Variants in RNF220 observed in about 807,000 individuals in gnomAD.
RNF220 encodes ring finger protein 220.
RNF220 carries 7 observed loss-of-function variants against 67.1 expected under a neutral mutation model. That is an observed-to-expected ratio of 0.10 (90% CI 0.06 to 0.20). The LOEUF is 0.20. Ranked by LOEUF, RNF220 falls within the 10% of genes least tolerant of loss-of-function variation. RNF220 has a pLI of 1.00. For synonymous variants in RNF220, 270 were observed against 283.2 expected, an observed-to-expected ratio of 0.95 and a Z score of 0.47; for missense variants, 565 against 740.3, an observed-to-expected ratio of 0.76 and a Z score of 2.75.
intron 5 of RNF220, chr1:44,632,051 C>T (rs1644151207): frequency 3.6e-6 from 4 of 1,100,882 alleles, no homozygotes; most frequent in South Asian, 4.4e-5. Flanking sequence ...CGCATCGCCG[C>T]CCTCGCCGGC....
intron 2 of RNF220, among the ~76,000 whole-genome samples, chr1:44,427,673 T>C (rs1419211678): frequency 6.6e-6 from 1 of 152,226 alleles, no homozygotes; most frequent in African/African-American, 2.4e-5. Context: ...GCTAAATCTG[T>C]GAGACGAGAC....
At chr1:44,468,127 C>T (rs1654445062) in intron 2 of RNF220, among the ~76,000 whole-genome samples, 2 of 98,774 alleles carry the variant, frequency 2.0e-5, no homozygotes, top group African/African-American at 3.6e-5. Flanking sequence ...AAAGTGAGCA[C>T]GTGCTGTTAA....
rs1643851035 is a variant in RNF220, at chr1:44,622,725, C to T, written c.759-17C>T. 6.2e-7 allele frequency: 1 copy of T among 1,612,934 alleles called. No homozygotes were observed. Among genetic ancestry groups the T allele is most frequent in the African/African-American group, 1.3e-5 (1 of 74,916 alleles). On this transcript the variant is annotated splice_polypyrimidine_tract_variant and intron_variant, in intron 3 of 14. Transcript: ENST00000361799. This position sits in a 1 kb window ranked among gnomAD's most constrained non-coding sequence, Gnocchi z 4.3. Reference sequence around the variant, plus strand: ...CAGCAGGTAGAATGGTTACCCTGTTCTCTTCTTTCTTGGCAGCAAGAATTC... The same window carrying T: ...CAGCAGGTAGAATGGTTACCCTGTTTTCTTCTTTCTTGGCAGCAAGAATTC...
chr1:44,616,321 G>A (rs537994416), intron 3 of RNF220, among the ~76,000 whole-genome samples: 10 of 152,250 alleles, frequency 6.6e-5, no homozygotes, highest in East Asian at 1.9e-4. Context: ...GAATCCATGG[G>A]CATATAAGAC....
chr1:44,538,569 T>A (rs890679215), intron 2 of RNF220, among the ~76,000 whole-genome samples: 1 of 152,216 alleles, frequency 6.6e-6, no homozygotes, highest in Non-Finnish European at 1.5e-5. Flanking sequence ...TCTGTCTTTG[T>A]CTGTCTTAAT....
At chr1:44,608,891 G>A (rs1163978289) in intron 2 of RNF220, among the ~76,000 whole-genome samples, 1 of 152,148 alleles carries the variant, frequency 6.6e-6, no homozygotes, top group Non-Finnish European at 1.5e-5. Flanking sequence ...GCAGATATAG[G>A]CACAAACAAC....
chr1:44,580,030 C>CAAAAAAAAAAAAAAAAAAAAAAAAAA (rs61499825), intron 2 of RNF220, among the ~76,000 whole-genome samples: 12 of 65,256 alleles, frequency 1.8e-4, no homozygotes, highest in Non-Finnish European at 3.5e-4. Context: ...CCCTGTCTCA[C>CAAAAAAAAAAAAAAAAAAAAAAAAAA]AAAAAAAAAA....
chr1:44,445,737 A>G (rs762050510), intron 2 of RNF220, among the ~76,000 whole-genome samples: 2 of 152,118 alleles, frequency 1.3e-5, no homozygotes, highest in Non-Finnish European at 2.9e-5. Context: ...TCCATCTTGT[A>G]TTCTACGAAA....
intron 2 of RNF220, among the ~76,000 whole-genome samples, chr1:44,599,899 T>G (rs995800774): frequency 9.2e-5 from 14 of 152,200 alleles, no homozygotes; most frequent in African/African-American, 3.1e-4. Context: ...GGATCTGATT[T>G]GTGTTTTAGG....
rs368472198 is a variant in RNF220 at position 44,412,482 on chromosome 1, C to T, written c.385C>T (p.Arg129Trp). Residue 129 changes from arginine (R) to tryptophan (W), a missense_variant, in exon 2 of 15, where the codon CGG (arginine) becomes TGG (tryptophan). Arg to Trp is a moderately radical substitution (Grantham distance 101). Coordinates refer to ENST00000361799, the MANE Select transcript of RNF220 (RefSeq NM_018150.4). This position sits in a 1 kb window ranked among gnomAD's most constrained non-coding sequence, Gnocchi z 5.3. ...CCGGCCCTTTGCCTCCACCGAGGACCGGGAGAGCTATCAGTCAGCCTTTAC... is the reference window on the plus strand; with the variant it reads ...CCGGCCCTTTGCCTCCACCGAGGACTGGGAGAGCTATCAGTCAGCCTTTAC... Reference protein sequence around the residue: ...AFRPFASTEDRESYQSAFTPA... With the variant: ...AFRPFASTEDWESYQSAFTPA... 15 of 1,611,422 alleles carry T rather than the reference C, an allele frequency of 9.3e-6. No individual in the cohort carries two copies. The highest frequency in any genetic ancestry group is 1.2e-5 in the Non-Finnish European group (14 of 1,177,850).
chr1:44,442,636 T>C (rs1339737446), intron 2 of RNF220, among the ~76,000 whole-genome samples: 1 of 150,840 alleles, frequency 6.6e-6, no homozygotes, highest in African/African-American at 2.4e-5. Context: ...CAGCTCAGCC[T>C]CCTGAGTAGC....
chr1:44,598,534 T>G (rs893691243), intron 2 of RNF220, among the ~76,000 whole-genome samples: 6 of 152,060 alleles, frequency 3.9e-5, no homozygotes, highest in African/African-American at 1.2e-4. Flanking sequence ...GTAGGGAAAT[T>G]GCTGAGTGAG....
chr1:44,543,212 C>T (rs1403384572), intron 2 of RNF220, among the ~76,000 whole-genome samples: 1 of 152,160 alleles, frequency 6.6e-6, no homozygotes, highest in Non-Finnish European at 1.5e-5. Context: ...AGACCCCCCA[C>T]CTTCGCCGGC....
intron 2 of RNF220, among the ~76,000 whole-genome samples, chr1:44,531,520 G>A (rs1185659860): frequency 1.3e-5 from 2 of 152,186 alleles, no homozygotes; most frequent in African/African-American, 2.4e-5. Context: ...AGAGCACAGA[G>A]GCCAAAGTCT....
At chr1:44,616,367 GCTCA>G (rs1293411024) in intron 3 of RNF220, among the ~76,000 whole-genome samples, 2 of 152,170 alleles carry the variant, frequency 1.3e-5, no homozygotes, top group Non-Finnish European at 2.9e-5. Context: ...CTTGTTGAAT[GCTCA>G]CTATGTGCCG....
intron 2 of RNF220, among the ~76,000 whole-genome samples, chr1:44,468,074 G>T (rs1654440208): frequency 6.6e-6 from 1 of 151,486 alleles, no homozygotes; most frequent in Non-Finnish European, 1.5e-5. Flanking sequence ...AATTACAATG[G>T]TAACATCAAA....
chr1:44,604,284 G>T (rs973828026), intron 2 of RNF220, among the ~76,000 whole-genome samples: 1 of 152,118 alleles, frequency 6.6e-6, no homozygotes, highest in Non-Finnish European at 1.5e-5. Context: ...TCCAGAATCA[G>T]GCCCTTCACT....
chr1:44,621,556 T>C lies in RNF220; in HGVS notation c.759-1186T>C, dbSNP rs1030917301. ...TCCAGACATTGCTGGATGTCCCCTG[T>C]GCAGGTGAACATCCCTTCCCCTTCT... On this transcript the variant is annotated intron_variant, in intron 3 of 14. Coordinates refer to ENST00000361799, the MANE Select transcript of RNF220 (RefSeq NM_018150.4). The surrounding 1 kb of genome is among the most constrained non-coding windows in gnomAD (Gnocchi z 4.8). Among the ~76,000 whole-genome samples, 2 of 152,188 alleles carry C rather than the reference T, an allele frequency of 1.3e-5. No individual in the cohort carries two copies. The highest frequency in any genetic ancestry group is 2.1e-4 in the South Asian group (1 of 4,826).
At chr1:44,494,205 C>CAA (rs375116674) in intron 2 of RNF220, among the ~76,000 whole-genome samples, 17,234 of 122,230 alleles carry the variant, frequency 0.14, 1,412 homozygotes, top group Middle Eastern at 0.24. Flanking sequence ...GAAACTCTGT[C>CAA]AAAAAAAAAA....
Sources: allele counts gnomAD v4.1 joint callset (sites outside exome capture counted in the v4.1 genomes callset), GRCh38; gene constraint gnomAD v4.1.1; non-coding constraint Gnocchi (gnomAD v3.1); transcripts MANE v1.5; gene names NCBI Gene and HGNC (gene_info 2026-07-23, HGNC 2026-07-21).